RNF212B: variants seen among roughly 807,000 people sequenced by gnomAD.
RNF212B encodes the protein ring finger protein 212B, also known as E3 ubiquitin-protein ligase RNF212B.
A neutral mutation model predicts 55.5 loss-of-function variants in RNF212B; 52 were observed. The observed-to-expected ratio is 0.94, with a 90% CI of 0.75 to 1.18. RNF212B has a LOEUF of 1.18. Among genes scored for constraint, RNF212B ranks in the 50% most tolerant of loss-of-function variants. The probability of loss-of-function intolerance (pLI) is 0.00; values close to 1 mark genes in which losing one functional copy is unlikely to be tolerated. For synonymous variants in RNF212B, 99 were observed against 121.4 expected (o/e 0.82, Z 1.21); for missense variants, 289 against 350.4 (o/e 0.82, Z 1.40).
chr14:23,237,463 T>C (rs769388493), upstream of RNF212B, among the ~76,000 whole-genome samples: 1 of 152,192 alleles, frequency 6.6e-6, no homozygotes, highest in Non-Finnish European at 1.5e-5. Context: ...CTTTTTTTAA[T>C]TGAAATTTGT....
intron 2 of RNF212B, among the ~76,000 whole-genome samples, chr14:23,222,969 G>C (rs142973527): frequency 6.7e-6 from 1 of 149,640 alleles, no homozygotes; most frequent in African/African-American, 2.5e-5. Context: ...CAGGAGAATC[G>C]CTTGAACCTG....
chr14:23,218,608 T>G (rs1001144626), intron 2 of RNF212B, among the ~76,000 whole-genome samples: 3 of 151,372 alleles, frequency 2.0e-5, no homozygotes, highest in African/African-American at 7.3e-5. Flanking sequence ...AGATGCTGTC[T>G]CAAAAGAAAA....
At chr14:23,242,081 C>CAAA (rs58497672) in intron 2 of RNF212B, among the ~76,000 whole-genome samples, 637 of 36,626 alleles carry the variant, frequency 0.017, 24 homozygotes, top group Non-Finnish European at 0.02. Flanking sequence ...GACTCCGTCT[C>CAAA]AAAAAAAAAA....
rs145185025 is a variant in RNF212B, at chr14:23,251,517, A to G, written c.229-7032A>G. Among the ~76,000 whole-genome samples the G allele has an allele frequency of 8.5e-5, 13 of 152,362 alleles. No homozygotes were observed. The East Asian group carries it at 2.3e-3, about 27-fold the overall frequency. On this transcript the variant is annotated intron_variant, in intron 4 of 14. Transcript: ENST00000430154. ...TTGTTTATTATTACCAGTTTATTAT[A>G]AAAGATACAACATAGGGGCCAGGTG... is the stretch of plus-strand genomic sequence containing the variant.
chr14:23,212,728 A>G lies in RNF212B; in HGVS notation c.-2+19327A>G, dbSNP rs189844739. 7.0e-4 allele frequency among the ~76,000 whole-genome samples: 106 copies of G among 152,002 alleles called. 1 individual carries two copies. The highest frequency in any genetic ancestry group is 2.3e-3 in the African/African-American group (96 of 41,486). On this transcript the variant is annotated intron_variant, in intron 2 of 15. Transcript: ENST00000399910. Reference sequence around the variant, plus strand: ...AATTTAATAGAGATGGAGTCTTGCTATGTTGCCCAGGGTGGTCCCCTCCCA... The same window carrying G: ...AATTTAATAGAGATGGAGTCTTGCTGTGTTGCCCAGGGTGGTCCCCTCCCA...
intron 7 of RNF212B, chr14:23,261,195 T>A: frequency 3.2e-6 from 1 of 314,062 alleles, no homozygotes; most frequent in Non-Finnish European, 6.3e-6. Context: ...AGGAAGTAAC[T>A]TGTGGAATGC....
chr14:23,197,530 A>T (rs8009590), intron 2 of RNF212B, among the ~76,000 whole-genome samples: 2 of 152,120 alleles, frequency 1.3e-5, no homozygotes, highest in African/African-American at 2.4e-5. Context: ...CATCTCAAAA[A>T]TAATTTTCAC....
rs541210469 is a variant in RNF212B, at chr14:23,259,266, G to A, written c.344+602G>A. ...CTGATTCACACTGATAACACTCATTGTAGCCTCAATCTCCTGGGCTCAAGC... is the reference window on the plus strand; with the variant it reads ...CTGATTCACACTGATAACACTCATTATAGCCTCAATCTCCTGGGCTCAAGC... On this transcript the variant is annotated intron_variant, in intron 5 of 14. Coordinates refer to ENST00000430154, the MANE Select transcript of RNF212B (RefSeq NM_001282322.3). Among the ~76,000 whole-genome samples the A allele has an allele frequency of 4.6e-5, 7 of 151,466 alleles. No homozygotes were observed. The East Asian group carries it at 1.2e-3, about 25-fold the overall frequency.
chr14:23,191,486 G>A (rs1319170075), intron 1 of RNF212B, among the ~76,000 whole-genome samples: 2 of 151,626 alleles, frequency 1.3e-5, no homozygotes, highest in African/African-American at 4.9e-5. Flanking sequence ...TAAAATGTAA[G>A]CTCTGAACTA....
chr14:23,257,264 G>A (rs1389098846), intron 4 of RNF212B, among the ~76,000 whole-genome samples: 1 of 152,156 alleles, frequency 6.6e-6, no homozygotes, highest in Non-Finnish European at 1.5e-5. Flanking sequence ...CAATCCTCCT[G>A]CCTCAGCCTT....
intron 1 of RNF212B, among the ~76,000 whole-genome samples, chr14:23,190,775 C>T (rs532363705): frequency 1.3e-5 from 2 of 152,324 alleles, no homozygotes; most frequent in South Asian, 2.1e-4. Flanking sequence ...GTTCAAAACC[C>T]TCCAACGCTG....
intron 4 of RNF212B, among the ~76,000 whole-genome samples, chr14:23,248,763 A>C (rs1030700862): frequency 6.6e-6 from 1 of 152,138 alleles, no homozygotes; most frequent in African/African-American, 2.4e-5. Flanking sequence ...TTATAAGGAC[A>C]CTAATCCCAT....
At chr14:23,200,515 G>A (rs116966948) in intron 2 of RNF212B, among the ~76,000 whole-genome samples, 5,974 of 152,086 alleles carry the variant, frequency 0.039, 146 homozygotes, top group Middle Eastern at 0.13. Flanking sequence ...CAGCAGAGAT[G>A]GGGTTTCACC....
At chr14:23,186,604 T>C (rs1381468844) in intron 1 of RNF212B, among the ~76,000 whole-genome samples, 1 of 152,202 alleles carries the variant, frequency 6.6e-6, no homozygotes, top group Non-Finnish European at 1.5e-5. Flanking sequence ...CGCCTCGGCC[T>C]CCCAAAGTGC....
intron 1 of RNF212B, among the ~76,000 whole-genome samples, chr14:23,188,644 A>AT (rs1156811087): frequency 1.3e-5 from 2 of 152,086 alleles, no homozygotes; most frequent in African/African-American, 2.4e-5. Context: ...TTTTTAAAAA[A>AT]TTTTTAGTAA....
chr14:23,199,808 G>A (rs1474134859), intron 2 of RNF212B, among the ~76,000 whole-genome samples: 3 of 152,076 alleles, frequency 2.0e-5, no homozygotes, highest in Non-Finnish European at 4.4e-5. Context: ...ATGTAAATTG[G>A]TTGCTGTTAT....
Position 23,244,377 on chromosome 14 carries a change from AT to A in RNF212B, c.213del (p.Phe71LeufsTer29). Reference protein sequence around the residue: ...FKSPVETALQYFSHISQVWSF... With the variant: ...FKSPVETALQXFSHISQVWSF... ...AGTCCTGTGGAGACAGCTTTGCAGT[AT>A]TTTAGTCACATCTCTCAGGTATGAG... On this transcript the variant is annotated frameshift_variant, in exon 4 of 15. Coordinates refer to ENST00000430154, the MANE Select transcript of RNF212B (RefSeq NM_001282322.3). LOFTEE classifies it high-confidence loss of function. The A allele has an allele frequency of 6.5e-7, 1 of 1,544,300 alleles. No homozygotes were observed. Among genetic ancestry groups the A allele is most frequent in the Admixed American group, 2.0e-5 (1 of 50,456 alleles).
At chr14:23,225,197 A>G (rs1419139435) in intron 2 of RNF212B, among the ~76,000 whole-genome samples, 1 of 152,196 alleles carries the variant, frequency 6.6e-6, no homozygotes, top group Non-Finnish European at 1.5e-5. Context: ...GCCCTTGTAC[A>G]CTGTTGGTGG....
Position 23,268,936 on chromosome 14 carries a change from C to T in RNF212B, c.647C>T (p.Pro216Leu), listed in dbSNP as rs762439751. ...TTATGCTTTCCAGAAACCCCTTCAC[C>T]GGCTTCAACTCATAGCCTATCTTAT... ...PRDSYNETPS[P>L]ASTHSLSYRT... The change falls in exon 12 of 15, where the codon CCG (proline) becomes CTG (leucine). Residue 216 changes from proline (P) to leucine (L), a missense_variant. Pro to Leu is a moderately conservative substitution (Grantham distance 98). Coordinates refer to ENST00000430154, the MANE Select transcript of RNF212B (RefSeq NM_001282322.3). The T allele has an allele frequency of 8.5e-5, 132 of 1,550,204 alleles. No homozygotes were observed. The highest frequency in any genetic ancestry group is 6.7e-4 in the Middle Eastern group (4 of 6,012).
Sources: allele counts gnomAD v4.1 joint callset (sites outside exome capture counted in the v4.1 genomes callset), GRCh38; gene constraint gnomAD v4.1.1; transcripts MANE v1.5; gene names NCBI Gene and HGNC (gene_info 2026-07-23, HGNC 2026-07-21).